Variants in SEMA3E observed in about 807,000 individuals in gnomAD.
The protein encoded by SEMA3E is semaphorin 3E.
Under a neutral mutation model 93.6 loss-of-function variants are expected in SEMA3E, and 49 were observed. The observed-to-expected ratio is 0.52, with a 90% CI of 0.42 to 0.66. The LOEUF is 0.66. Among genes scored for constraint, SEMA3E ranks in the 30% least tolerant of loss-of-function variants. The pLI is 0.00. For synonymous variants in SEMA3E, 363 were observed against 330.7 expected, an observed-to-expected ratio of 1.10 and a Z score of -1.06; for missense variants, 906 against 964.8, an observed-to-expected ratio of 0.94 and a Z score of 0.81.
At chr7:83,500,590 C>CTTTT (rs371350850) in intron 1 of SEMA3E, among the ~76,000 whole-genome samples, 1,377 of 100,576 alleles carry the variant, frequency 0.014, 63 homozygotes, top group Middle Eastern at 0.045. Flanking sequence ...AACTTTCTTC[C>CTTTT]TTTTTTTTTT....
intron 5 of SEMA3E, among the ~76,000 whole-genome samples, chr7:83,413,944 C>T (rs1180036444): frequency 6.6e-6 from 1 of 152,024 alleles, no homozygotes; most frequent in Non-Finnish European, 1.5e-5. Flanking sequence ...TAGTCCTTTA[C>T]CTCTTTTCGT....
intron 5 of SEMA3E, 57 bp from the exon 6 acceptor site, chr7:83,408,544 A>T: frequency 1.3e-6 from 2 of 1,539,698 alleles, no homozygotes; most frequent in Non-Finnish European, 1.8e-6. Context: ...TTAACAAATT[A>T]AACACATCCA....
chr7:83,523,717 C>A (rs1306168338), intron 1 of SEMA3E, among the ~76,000 whole-genome samples: 5 of 151,990 alleles, frequency 3.3e-5, no homozygotes, highest in Non-Finnish European at 1.5e-5. Flanking sequence ...ATTGTTAAGG[C>A]CTTTTCCTAT....
intron 1 of SEMA3E, among the ~76,000 whole-genome samples, chr7:83,579,098 T>G (rs1191439651): frequency 6.6e-6 from 1 of 152,174 alleles, no homozygotes; most frequent in Non-Finnish European, 1.5e-5. Flanking sequence ...TATTATAAAG[T>G]TTAACTATTT....
At chr7:83,534,508 A>G (rs1791371605) in intron 1 of SEMA3E, among the ~76,000 whole-genome samples, 1 of 152,200 alleles carries the variant, frequency 6.6e-6, no homozygotes, top group Admixed American at 6.5e-5. Flanking sequence ...ATTAATAGAA[A>G]TAAAAGTAAA....
intron 9 of SEMA3E, among the ~76,000 whole-genome samples, chr7:83,403,589 T>C (rs571235737): frequency 1.3e-5 from 2 of 152,142 alleles, no homozygotes; most frequent in East Asian, 3.9e-4. Flanking sequence ...ATGAACTGAA[T>C]GAATTATAAC....
At chr7:83,583,399 G>C (rs980053991) in intron 1 of SEMA3E, among the ~76,000 whole-genome samples, 4 of 152,130 alleles carry the variant, frequency 2.6e-5, no homozygotes, top group African/African-American at 9.7e-5. Context: ...TGTTGAGAAA[G>C]GGCTTGTCTT....
intron 1 of SEMA3E, among the ~76,000 whole-genome samples, chr7:83,563,275 G>T (rs1362484058): frequency 6.6e-6 from 1 of 152,192 alleles, no homozygotes; most frequent in Non-Finnish European, 1.5e-5. Context: ...CTTAAAGGCA[G>T]AAGGACTGTG....
At chr7:83,412,267 A>G (rs1050565464) in intron 5 of SEMA3E, among the ~76,000 whole-genome samples, 3 of 152,066 alleles carry the variant, frequency 2.0e-5, no homozygotes, top group Non-Finnish European at 2.9e-5. Context: ...TTTCTATCCT[A>G]CTGCTCATCC....
chr7:83,414,886 T>C (rs1047265015), intron 5 of SEMA3E, among the ~76,000 whole-genome samples: 5 of 151,950 alleles, frequency 3.3e-5, no homozygotes, highest in African/African-American at 1.2e-4. Flanking sequence ...CAACTATGGG[T>C]CAGAATAAAA....
rs756263299 is a variant in SEMA3E, at chr7:83,408,462, G to A, written c.576C>T (p.Tyr192=). The A allele has an allele frequency of 2.5e-6, 4 of 1,613,616 alleles. No individual in the cohort carries two copies. The highest frequency in any genetic ancestry group is 1.1e-5 in the South Asian group (1 of 91,086). The change falls in exon 6 of 17, where the codon TAC becomes TAT. Residue 192 remains tyrosine (Y), a synonymous_variant. Transcript: ENST00000643230. The stretch of plus-strand genomic sequence containing the variant: ...CAGCGTCTCTGCTCCAGTAGTCACT[G>A]TAGAGTCCAGCAAACAATTCACTAC... ...LIGSELFAGL[Y]SDYWSRDAAI...
At chr7:83,639,136 A>AAAAAAAAAAAAAAAAAAAAC (rs1562866057) in intron 1 of SEMA3E, among the ~76,000 whole-genome samples, 4 of 132,064 alleles carry the variant, frequency 3.0e-5, no homozygotes, top group African/African-American at 1.1e-4. Flanking sequence ...AAAAAAAAAA[A>AAAAAAAAAAAAAAAAAAAAC]AAAACAGAGA....
At chr7:83,494,615 C>T (rs535956294) in intron 1 of SEMA3E, among the ~76,000 whole-genome samples, 30 of 151,752 alleles carry the variant, frequency 2.0e-4, no homozygotes, top group Non-Finnish European at 3.7e-4. Context: ...TCATGGTAAT[C>T]GGAAAACAAA....
chr7:83,556,120 C>G (rs900092831), intron 1 of SEMA3E, among the ~76,000 whole-genome samples: 6 of 151,946 alleles, frequency 3.9e-5, no homozygotes, highest in African/African-American at 1.5e-4. Flanking sequence ...ACATGTTATA[C>G]GTTTTTATAT....
intron 1 of SEMA3E, among the ~76,000 whole-genome samples, chr7:83,576,945 T>C (rs1792417679): frequency 6.6e-6 from 1 of 152,160 alleles, no homozygotes; most frequent in African/African-American, 2.4e-5. Context: ...TTAATAGTAA[T>C]TATCAATAAC....
chr7:83,536,349 T>C (rs1159688267), intron 1 of SEMA3E, among the ~76,000 whole-genome samples: 1 of 152,232 alleles, frequency 6.6e-6, no homozygotes, highest in South Asian at 2.1e-4. Flanking sequence ...ATGTTTCTCA[T>C]GTCAAATGTT....
At chr7:83,443,252 G>A (rs62460806) in intron 4 of SEMA3E, among the ~76,000 whole-genome samples, 15,651 of 152,138 alleles carry the variant, frequency 0.1, 978 homozygotes, top group Non-Finnish European at 0.14. Context: ...ACCAAAAGTA[G>A]GACCCCAAGG....
chr7:83,484,792 T>C (rs1790219612), intron 2 of SEMA3E, among the ~76,000 whole-genome samples: 1 of 152,172 alleles, frequency 6.6e-6, no homozygotes, highest in Admixed American at 6.6e-5. Context: ...CTGAAATAAT[T>C]CTAGGGTTAT....
At position 83,364,906 on chromosome 7, in the gene SEMA3E, A is replaced by T. The variant is rs1334165111; in HGVS notation, c.*2680T>A. ...CTTAATTCCTCCAAGTCTTGTAGGT[A>T]TCTAAGTATGTGCCCTCCCTGAGTT... On this transcript the variant is annotated 3_prime_UTR_variant, in exon 17 of 17. Coordinates refer to ENST00000643230, the MANE Select transcript of SEMA3E (RefSeq NM_012431.3). 2 of 152,204 alleles carry T rather than the reference A, an allele frequency of 1.3e-5. No homozygotes were observed. The allele number at this position is 152,204 out of a possible 1,614,324, so 9.4% of individuals were successfully genotyped here.
Sources: gnomAD v4.1 joint callset for allele counts (sites outside exome capture counted in the v4.1 genomes callset) on GRCh38, gnomAD v4.1.1 for gene constraint, MANE v1.5 for transcripts, NCBI Gene and HGNC (gene_info 2026-07-23, HGNC 2026-07-21) for gene names.